LARGE1: variants seen among roughly 807,000 people sequenced by gnomAD.
The protein encoded by LARGE1 is xylosyl- and glucuronyltransferase LARGE1.
Under a neutral mutation model 87.6 loss-of-function variants are expected in LARGE1, and 43 were observed. The observed-to-expected ratio is 0.49, with a 90% CI of 0.38 to 0.63. The LOEUF (loss-of-function observed/expected upper bound fraction) is 0.63, where lower values mean the gene tolerates loss of function less well. Ranked by LOEUF, LARGE1 falls within the 30% of genes least tolerant of loss-of-function variation. The pLI, the probability that LARGE1 is intolerant of heterozygous loss-of-function variation, is 0.00. For missense variants in LARGE1, 802 were observed against 1,000.2 expected (o/e 0.80, Z 2.67); for synonymous variants, 434 against 394.6 (o/e 1.10, Z -1.18).
chr22:33,355,522 A>G (rs539310739), intron 9 of LARGE1, among the ~76,000 whole-genome samples: 1 of 152,198 alleles, frequency 6.6e-6, no homozygotes, highest in South Asian at 2.1e-4. Flanking sequence ...CCCCTTCGTG[A>G]TAACTGGAAA....
At chr22:33,766,423 T>C (rs1223055203) in intron 1 of LARGE1, among the ~76,000 whole-genome samples, 1 of 152,168 alleles carries the variant, frequency 6.6e-6, no homozygotes, top group Non-Finnish European at 1.5e-5. Flanking sequence ...AAAATCACCA[T>C]GATCTGTTTG....
the LARGE1 span, among the ~76,000 whole-genome samples, chr22:33,097,748 G>T: frequency 6.6e-6 from 1 of 152,174 alleles, no homozygotes; most frequent in Admixed American, 6.5e-5. Flanking sequence ...AGAGGAAAGT[G>T]GTTGTACTTT....
At chr22:33,173,903 C>T (rs532595987) in intron 11 of LARGE1, among the ~76,000 whole-genome samples, 1 of 152,278 alleles carries the variant, frequency 6.6e-6, no homozygotes, top group East Asian at 1.9e-4. Flanking sequence ...GAGATTTTAA[C>T]ACCCCACTGT....
chr22:33,591,046 C>A (rs921913193), intron 5 of LARGE1, among the ~76,000 whole-genome samples: 1 of 152,102 alleles, frequency 6.6e-6, no homozygotes, highest in Non-Finnish European at 1.5e-5. Context: ...ACTAAAAATA[C>A]AGAAATTAGC....
chr22:33,631,231 G>A (rs1203719356), intron 3 of LARGE1, among the ~76,000 whole-genome samples: 2 of 151,978 alleles, frequency 1.3e-5, no homozygotes, highest in Admixed American at 1.3e-4. Flanking sequence ...TCACAGACAT[G>A]ATCACAGAAC....
chr22:33,168,345 T>C (rs977056749), intron 11 of LARGE1, among the ~76,000 whole-genome samples: 1 of 152,226 alleles, frequency 6.6e-6, no homozygotes, highest in African/African-American at 2.4e-5. Context: ...TAGCTGTATA[T>C]ATAAGGCCAA....
At chr22:33,678,073 G>T (rs772964690) in intron 2 of LARGE1, among the ~76,000 whole-genome samples, 3 of 152,122 alleles carry the variant, frequency 2.0e-5, no homozygotes, top group Non-Finnish European at 2.9e-5. Flanking sequence ...AATAAAAAAC[G>T]CATTTGTAAA....
intron 6 of LARGE1, among the ~76,000 whole-genome samples, chr22:33,441,724 G>GCTGGCATGCACCACCACACCCAGCT (rs1169113904): frequency 6.6e-6 from 1 of 152,108 alleles, no homozygotes; most frequent in African/African-American, 2.4e-5. Context: ...TTCCCATAGT[G>GCTGGCATGCACCACCACACCCAGCT]CTGGCATGCA....
intron 2 of LARGE1, among the ~76,000 whole-genome samples, chr22:33,666,189 T>C (rs2081262294): frequency 6.6e-6 from 1 of 152,186 alleles, no homozygotes; most frequent in Admixed American, 6.5e-5. Flanking sequence ...TGCAGAAAGA[T>C]GAATAACAAG....
chr22:33,390,519 A>AT (rs969916652), intron 7 of LARGE1, among the ~76,000 whole-genome samples: 3 of 151,996 alleles, frequency 2.0e-5, no homozygotes, highest in Non-Finnish European at 4.4e-5. Flanking sequence ...GTACCTAGAC[A>AT]TTTTTAAAGA....
intron 11 of LARGE1, among the ~76,000 whole-genome samples, chr22:33,242,099 A>G (rs966227645): frequency 6.6e-6 from 1 of 152,232 alleles, no homozygotes; most frequent in Non-Finnish European, 1.5e-5. Context: ...TCAAAACATC[A>G]CATTGTGCCC....
intron 11 of LARGE1, among the ~76,000 whole-genome samples, chr22:33,198,034 A>C (rs1046712699): frequency 2.6e-5 from 4 of 152,146 alleles, no homozygotes; most frequent in Admixed American, 6.5e-5. Flanking sequence ...TATATAAAAC[A>C]TTGACATTGA....
upstream of LARGE1, among the ~76,000 whole-genome samples, chr22:33,922,088 C>G (rs751772740): frequency 1.3e-5 from 2 of 152,102 alleles, no homozygotes; most frequent in Non-Finnish European, 2.9e-5. Flanking sequence ...CCCAGCCGGG[C>G]GGGCCGCCGG....
intron 1 of LARGE1, among the ~76,000 whole-genome samples, chr22:33,802,486 T>G (rs1201373624): frequency 6.6e-6 from 1 of 152,186 alleles, no homozygotes; most frequent in Non-Finnish European, 1.5e-5. Context: ...TAAAGCCAAA[T>G]GAAAAGAATA....
intron 4 of LARGE1, among the ~76,000 whole-genome samples, chr22:33,618,952 T>A (rs1361312194): frequency 6.6e-6 from 1 of 152,208 alleles, no homozygotes; most frequent in Non-Finnish European, 1.5e-5. Flanking sequence ...TTTTGCATAG[T>A]CACAAACTAA....
chr22:33,776,745 T>A (rs2085250907), intron 1 of LARGE1, among the ~76,000 whole-genome samples: 1 of 152,218 alleles, frequency 6.6e-6, no homozygotes, highest in Non-Finnish European at 1.5e-5. Context: ...TCCTGACTTG[T>A]CTAACGTGCA....
intron 1 of LARGE1, among the ~76,000 whole-genome samples, chr22:33,904,530 G>C (rs2065379953): frequency 6.6e-6 from 1 of 152,164 alleles, no homozygotes; most frequent in South Asian, 2.1e-4. Context: ...AGTCAGATGT[G>C]CACCCAGGGC....
intron 2 of LARGE1, among the ~76,000 whole-genome samples, chr22:33,653,590 A>G (rs1165813650): frequency 1.3e-5 from 2 of 152,144 alleles, no homozygotes; most frequent in African/African-American, 4.8e-5. Flanking sequence ...GGGAACATAA[A>G]ATGTTCCAGT....
In LARGE1 at chr22:33,258,973, G is replaced by A. The variant is rs1171356184; in HGVS notation, c.1730+45256C>T. On this transcript the variant is annotated intron_variant, in intron 11 of 11. Transcript: ENST00000608642. ...GCTCACTGCAACCTCCACCTCCCAG[G>A]TTCAAGCAATTCTCCTGCCTCAGCC... Among the ~76,000 whole-genome samples, 2 of 151,712 alleles carry A rather than the reference G, an allele frequency of 1.3e-5. 1 individual carries two copies. The highest frequency in any genetic ancestry group is 2.9e-5 in the Non-Finnish European group (2 of 67,964).
Sources: allele counts gnomAD v4.1 joint callset (sites outside exome capture counted in the v4.1 genomes callset), GRCh38; gene constraint gnomAD v4.1.1; transcripts MANE v1.5; gene names NCBI Gene and HGNC (gene_info 2026-07-23, HGNC 2026-07-21).